NLK: variants seen among roughly 807,000 people sequenced by gnomAD.
NLK encodes nemo like kinase.
In NLK, 11 loss-of-function variants were observed where a neutral mutation model predicts 59.0. The ratio of observed to expected loss-of-function variants is 0.19; its 90% CI spans 0.12 to 0.31. The LOEUF is 0.31. NLK is among the 10% of genes least tolerant of loss of function. NLK has a pLI of 1.00. For synonymous variants in NLK, 235 were observed against 235.9 expected, an observed-to-expected ratio of 1.00 and a Z score of 0.03; for missense variants, 410 against 661.1, an observed-to-expected ratio of 0.62 and a Z score of 4.16.
chr17:28,055,828 G>T (rs1464898075), intron 1 of NLK, among the ~76,000 whole-genome samples: 1 of 152,116 alleles, frequency 6.6e-6, no homozygotes, highest in African/African-American at 2.4e-5. Context: ...ACAGGTATCA[G>T]GTATGTGACT....
At chr17:28,114,644 T>G (rs530996427) in intron 1 of NLK, among the ~76,000 whole-genome samples, 3 of 152,358 alleles carry the variant, frequency 2.0e-5, no homozygotes, top group African/African-American at 7.2e-5. Flanking sequence ...AATATCATAT[T>G]CTTCTATACG....
intron 1 of NLK, among the ~76,000 whole-genome samples, chr17:28,063,216 G>A (rs572512543): frequency 2.4e-4 from 36 of 152,200 alleles, no homozygotes; most frequent in Non-Finnish European, 4.3e-4. Context: ...ACAGGCATAA[G>A]CCATGGCGAC....
At chr17:28,161,996 A>G (rs186091105) in intron 4 of NLK, among the ~76,000 whole-genome samples, 18 of 152,280 alleles carry the variant, frequency 1.2e-4, no homozygotes, top group African/African-American at 4.3e-4. Flanking sequence ...TGAAAAATAA[A>G]TGCCAAAAGG....
intron 1 of NLK, among the ~76,000 whole-genome samples, chr17:28,074,109 G>GTCCTAT (rs1257152152): frequency 6.6e-6 from 1 of 152,212 alleles, no homozygotes; most frequent in Admixed American, 6.5e-5. Flanking sequence ...CCTTGGGCTA[G>GTCCTAT]TCCTATTTAA....
chr17:28,146,584 T>A (rs1476196040), intron 3 of NLK, among the ~76,000 whole-genome samples: 1 of 152,216 alleles, frequency 6.6e-6, no homozygotes, highest in Non-Finnish European at 1.5e-5. Context: ...ATCAAGCTAC[T>A]AAGTGGCAGA....
At chr17:28,140,724 G>C (rs1906953379) in intron 3 of NLK, among the ~76,000 whole-genome samples, 1 of 151,420 alleles carries the variant, frequency 6.6e-6, no homozygotes, top group Non-Finnish European at 1.5e-5. Flanking sequence ...TTTTACAATA[G>C]AGACATTAAC....
chr17:28,169,231 A>G (rs1201073349), intron 6 of NLK, among the ~76,000 whole-genome samples: 2 of 152,222 alleles, frequency 1.3e-5, no homozygotes, highest in African/African-American at 4.8e-5. Context: ...GAGCTCTGCT[A>G]TGACAATTTG....
At chr17:28,176,162 T>C (rs1192188919) in intron 7 of NLK, among the ~76,000 whole-genome samples, 2 of 152,232 alleles carry the variant, frequency 1.3e-5, no homozygotes, top group Non-Finnish European at 2.9e-5. Flanking sequence ...TCAGTGATGC[T>C]GCTTAGGCCA....
At chr17:28,055,379 C>T (rs1034220603) in intron 1 of NLK, among the ~76,000 whole-genome samples, 1 of 152,016 alleles carries the variant, frequency 6.6e-6, no homozygotes, top group African/African-American at 2.4e-5. Context: ...GCATGAGCCA[C>T]CTTGCCAGGT....
chr17:28,093,485 C>A (rs951808106), intron 1 of NLK, among the ~76,000 whole-genome samples: 10 of 152,094 alleles, frequency 6.6e-5, no homozygotes, highest in African/African-American at 2.2e-4. Flanking sequence ...AAAAAAAATT[C>A]TGTGAAATGT....
intron 1 of NLK, among the ~76,000 whole-genome samples, chr17:28,093,256 G>A (rs539366690): frequency 6.6e-6 from 1 of 152,178 alleles, no homozygotes; most frequent in African/African-American, 2.4e-5. Context: ...ACCAGATGCT[G>A]GAAAAATATA....
chr17:28,047,442 CAA>C (rs1909098637), intron 1 of NLK, among the ~76,000 whole-genome samples: 1 of 152,138 alleles, frequency 6.6e-6, no homozygotes, highest in African/African-American at 2.4e-5. Flanking sequence ...TAATTAAAAA[CAA>C]ATAAAAATAA....
intron 3 of NLK, among the ~76,000 whole-genome samples, chr17:28,149,962 TG>T (rs1009964248): frequency 3.9e-5 from 6 of 152,252 alleles, no homozygotes; most frequent in African/African-American, 1.4e-4. Context: ...GCTTGAAGCC[TG>T]GTTTTTGCAG....
the NLK span, among the ~76,000 whole-genome samples, chr17:28,203,074 G>T: frequency 1.3e-5 from 2 of 152,028 alleles, no homozygotes; most frequent in African/African-American, 4.8e-5. Flanking sequence ...AGAAAAGAAA[G>T]CTATGGGGGT....
At chr17:28,081,626 A>G (rs1385474121) in intron 1 of NLK, among the ~76,000 whole-genome samples, 2 of 152,204 alleles carry the variant, frequency 1.3e-5, no homozygotes, top group African/African-American at 2.4e-5. Context: ...GAGCTTTATT[A>G]CCTGAAGCCT....
chr17:28,073,400 G>A (rs970959973), intron 1 of NLK, among the ~76,000 whole-genome samples: 17 of 152,158 alleles, frequency 1.1e-4, no homozygotes, highest in Non-Finnish European at 1.6e-4. Context: ...TTTGTCCACC[G>A]AGGATTGGCC....
At chr17:28,047,654 G>A (rs1260581621) in intron 1 of NLK, among the ~76,000 whole-genome samples, 2 of 152,148 alleles carry the variant, frequency 1.3e-5, no homozygotes, top group Admixed American at 1.3e-4. Context: ...TCCCAGTGAG[G>A]TGGGAGAAAT....
intron 1 of NLK, among the ~76,000 whole-genome samples, chr17:28,046,780 A>G (rs1181791641): frequency 6.6e-6 from 1 of 152,140 alleles, no homozygotes; most frequent in Non-Finnish European, 1.5e-5. Context: ...GACATTGGCA[A>G]CTTAACATAT....
rs192220856 is a variant in NLK, at chr17:28,114,836, G to C, written c.459-7767G>C. Among the ~76,000 whole-genome samples, 27 of 152,190 alleles carry C rather than the reference G, an allele frequency of 1.8e-4. No homozygotes were observed. In the East Asian group the frequency reaches 3.9e-3, roughly 22 times the overall value. On this transcript the variant is annotated intron_variant, in intron 1 of 10. Coordinates refer to ENST00000407008, the MANE Select transcript of NLK (RefSeq NM_016231.5). ...TGTATCTGGCAGGGTTTGATCAGGA[G>C]AAAGAAACCACACCAGTTATTTAAA...
Sources: gnomAD v4.1 joint callset for allele counts (sites outside exome capture counted in the v4.1 genomes callset) on GRCh38, gnomAD v4.1.1 for gene constraint, MANE v1.5 for transcripts, NCBI Gene and HGNC (gene_info 2026-07-23, HGNC 2026-07-21) for gene names.